The following NUP188 variants were observed in gnomAD, a reference collection of about 807,000 sequenced individuals.
NUP188 encodes nucleoporin NUP188.
A neutral mutation model predicts 223.0 loss-of-function variants in NUP188; 97 were observed. That is an observed-to-expected ratio of 0.43 (90% CI 0.37 to 0.51). NUP188 has a LOEUF of 0.51. NUP188 is among the 20% of genes least tolerant of loss of function. The pLI is 0.00. For missense variants in NUP188, 1,947 were observed against 2,175.6 expected, an observed-to-expected ratio of 0.89 and a Z score of 2.09; for synonymous variants, 869 against 828.0, an observed-to-expected ratio of 1.05 and a Z score of -0.85.
At chr9:128,983,594 A>G in intron 19 of NUP188, 44 bp downstream of exon 19, 1 of 1,278,804 alleles carries the variant, frequency 7.8e-7, no homozygotes, top group Non-Finnish European at 1.1e-6. Context: ...CCTAGTGAGA[A>G]CCACATATGT....
intron 8 of NUP188, among the ~76,000 whole-genome samples, chr9:128,961,654 T>C (rs1442296956): frequency 6.8e-6 from 1 of 147,826 alleles, no homozygotes; most frequent in African/African-American, 2.5e-5. Flanking sequence ...GGAGTTTCGC[T>C]CTTGTTGCCC....
chr9:129,003,789 A>G (rs1040192196), intron 38 of NUP188: 9 of 348,846 alleles, frequency 2.6e-5, no homozygotes, highest in Non-Finnish European at 4.9e-5. Flanking sequence ...CCTGGCCAAC[A>G]TGGTGAAACC....
chr9:128,981,560 G>A (rs754392155), intron 15 of NUP188, among the ~76,000 whole-genome samples, 170 bp downstream of exon 15: 2 of 151,912 alleles, frequency 1.3e-5, no homozygotes, highest in Non-Finnish European at 2.9e-5. Context: ...TTATAGACGT[G>A]AGCCAATGCA....
At chr9:128,990,286 T>G in intron 25 of NUP188, 60 bp downstream of exon 25, 1 of 1,340,342 alleles carries the variant, frequency 7.5e-7, no homozygotes, top group African/African-American at 1.4e-5. Flanking sequence ...TCCCCCTGAT[T>G]ACAAAAGACA....
Position 128,987,088 on chromosome 9 carries a change from A to AGAGAGT in NUP188, c.2264+214_2264+215insAGAGTG, listed in dbSNP as rs1450678206. ...ATGAGAGAGAGAGAGAGAGAGAGAG[A>AGAGAGT]GTGTGTGTGTGTGTGTGTGTGTGTG... is the stretch of plus-strand genomic sequence containing the variant. On this transcript the variant is annotated intron_variant, in intron 22 of 43. Transcript: ENST00000372577. 4.3e-3 allele frequency among the ~76,000 whole-genome samples: 483 copies of AGAGAGT among 113,326 alleles called. 4 individuals carry two copies. The highest frequency in any genetic ancestry group is 0.015 in the African/African-American group (414 of 28,428). 74.3% of individuals were successfully genotyped at this position (113,326 alleles called of 152,430 possible). A position where few individuals can be genotyped will look rare whatever the true frequency, so the allele number is the denominator to read the frequency against.
chr9:128,979,309 G>A lies in NUP188; in HGVS notation c.1251G>A (p.Pro417=), dbSNP rs201704494. The change falls in exon 13 of 44, where the codon CCG becomes CCA. Residue 417 remains proline, a synonymous_variant. Coordinates refer to ENST00000372577, the MANE Select transcript of NUP188 (RefSeq NM_015354.3). ...AAGTATTGGCCGACCCTTCTCTTCC[G>A]GAACTGTTCTGGGGAACAGTAAGTA... ...ACEVLADPSL[P]ELFWGTEPTS... 1.4e-5 allele frequency: 23 copies of A among 1,611,898 alleles called. No individual in the cohort carries two copies. In the East Asian group the frequency reaches 2.5e-4, roughly 17 times the overall value.
At chr9:128,961,317 A>G (rs1263304903) in intron 8 of NUP188, among the ~76,000 whole-genome samples, 1 of 151,312 alleles carries the variant, frequency 6.6e-6, no homozygotes, top group Non-Finnish European at 1.5e-5. Context: ...GCGACAGAGC[A>G]AGACTCTGTC....
At chr9:128,949,399 C>T (rs796967337) in intron 2 of NUP188, among the ~76,000 whole-genome samples, 156 bp downstream of exon 2, 81 of 152,112 alleles carry the variant, frequency 5.3e-4, no homozygotes, top group African/African-American at 1.6e-3. Flanking sequence ...ATGGCGTGAT[C>T]TCGGCTCACC....
rs17452393 is a variant in NUP188 at position 128,962,924 on chromosome 9, T to G, written c.585+3790T>G. On this transcript the variant is annotated intron_variant, in intron 8 of 43. Coordinates refer to ENST00000372577, the MANE Select transcript of NUP188 (RefSeq NM_015354.3). ...ATTTACCATTTTAACTATTTTTAAG[T>G]AACTGTGACTATACTTTTACTTTTT... 6.6e-5 allele frequency among the ~76,000 whole-genome samples: 10 copies of G among 152,344 alleles called. No individual in the cohort carries two copies. In the South Asian group the frequency reaches 1.9e-3, roughly 28 times the overall value.
At chr9:128,958,452 A>G (rs1275970392) in intron 6 of NUP188, among the ~76,000 whole-genome samples, 1 of 152,238 alleles carries the variant, frequency 6.6e-6, no homozygotes, top group East Asian at 1.9e-4. Context: ...TAAGTACATT[A>G]GTTACAAGCA....
At chr9:128,996,841 G>A (rs1178449395) in intron 30 of NUP188, among the ~76,000 whole-genome samples, 1 of 152,018 alleles carries the variant, frequency 6.6e-6, no homozygotes, top group Non-Finnish European at 1.5e-5. Flanking sequence ...GAAAAAAAAA[G>A]AGAAAGAAAC....
intron 25 of NUP188, among the ~76,000 whole-genome samples, chr9:128,992,888 T>G (rs1209847438): frequency 6.6e-6 from 1 of 152,252 alleles, no homozygotes; most frequent in East Asian, 1.9e-4. Context: ...ATTCTATCGT[T>G]GCTGCAAGGT....
intron 32 of NUP188, 73 bp downstream of exon 32, chr9:128,998,696 G>A: frequency 8.1e-7 from 1 of 1,233,188 alleles, no homozygotes; most frequent in Non-Finnish European, 1.2e-6. Flanking sequence ...TTCCTGAAAG[G>A]GAGAAATAGT....
chr9:128,987,165 C>A (rs753074206), intron 22 of NUP188, among the ~76,000 whole-genome samples: 8 of 147,668 alleles, frequency 5.4e-5, no homozygotes, highest in Non-Finnish European at 1.2e-4. Context: ...ATTAATCATT[C>A]TTTATGATCG....
intron 27 of NUP188, 151 bp downstream of exon 27, chr9:128,993,845 T>G (rs1304004665): frequency 1.5e-6 from 1 of 682,904 alleles, no homozygotes; most frequent in African/African-American, 1.8e-5. Flanking sequence ...CTAATTCTCT[T>G]TCTAATGCTG....
chr9:128,998,338 G>T, intron 31 of NUP188, 110 bp downstream of exon 31: 1 of 1,116,042 alleles, frequency 9.0e-7, no homozygotes, highest in Non-Finnish European at 1.4e-6. Flanking sequence ...AGGTCACAGG[G>T]CTCACGTTGG....
rs1009383085 is a variant in NUP188 at position 129,003,431 on chromosome 9, C to G, written c.4411C>G (p.Pro1471Ala). 3.7e-6 allele frequency: 6 copies of G among 1,612,112 alleles called. No individual in the cohort carries two copies. In the Admixed American group the frequency reaches 1.0e-4, roughly 27 times the overall value. The change falls in exon 38 of 44, where the codon CCT becomes GCT. Residue 1471 changes from proline (P) to alanine (A), a missense_variant. Transcript: ENST00000372577. ...CATGAAGGAGTGGCACTTCCACCTGCCTCAGCTCATGCGTGATATCCAGGT... is the reference window on the plus strand; with the variant it reads ...CATGAAGGAGTGGCACTTCCACCTGGCTCAGCTCATGCGTGATATCCAGGT... ...NFMKEWHFHL[P>A]QLMRDIQVNL...
intron 34 of NUP188, among the ~76,000 whole-genome samples, chr9:129,001,228 A>G (rs1333494836): frequency 6.6e-6 from 1 of 151,216 alleles, no homozygotes; most frequent in African/African-American, 2.4e-5. Context: ...GGAGTGTCCA[A>G]CATGAGACGA....
At chr9:128,971,405 G>T (rs781706697) in intron 11 of NUP188, among the ~76,000 whole-genome samples, 21 of 151,998 alleles carry the variant, frequency 1.4e-4, no homozygotes, top group Non-Finnish European at 2.5e-4. Flanking sequence ...ATGGTTTAGA[G>T]AGCTTGTTTG....
Sources: allele counts gnomAD v4.1 joint callset (sites outside exome capture counted in the v4.1 genomes callset), GRCh38; gene constraint gnomAD v4.1.1; transcripts MANE v1.5; gene names NCBI Gene and HGNC (gene_info 2026-07-23, HGNC 2026-07-21).